The following MS4A18 variants were observed in gnomAD, a reference collection of about 807,000 sequenced individuals.
The protein encoded by MS4A18 is membrane spanning 4-domains A18.
A neutral mutation model predicts 13.1 loss-of-function variants in MS4A18; 27 were observed. The ratio of observed to expected loss-of-function variants is 2.06; its 90% CI spans 1.52 to 2.84. The LOEUF is 2.84. Among genes scored for constraint, MS4A18 ranks in the 30% most tolerant of loss-of-function variants. MS4A18 has a pLI of 0.00. For missense variants in MS4A18, 307 were observed against 196.4 expected (o/e 1.56, Z -3.37); for synonymous variants, 126 against 76.5 (o/e 1.65, Z -3.38).
chr11:60,728,659 GTCT>G (rs957606117), upstream of MS4A18, among the ~76,000 whole-genome samples: 1 of 151,572 alleles, frequency 6.6e-6, no homozygotes, highest in Non-Finnish European at 1.5e-5. Context: ...GTGTCTATGT[GTCT>G]TCTTTCTCCT....
chr11:60,744,190 C>A, exon 6 of MS4A18: 1 of 570,026 alleles, frequency 1.8e-6, no homozygotes, highest in South Asian at 2.3e-5. Context: ...TCTTTTTTTT[C>A]ATTCATAAAT....
At chr11:60,725,846 T>TTC (rs1565057682), upstream of MS4A18, among the ~76,000 whole-genome samples, 8 of 152,128 alleles carry the variant, frequency 5.3e-5, no homozygotes, top group African/African-American at 1.9e-4. Context: ...AATATATTGC[T>TTC]GGGGGAACTG....
At chr11:60,736,043 G>A (rs775641167) in intron 2 of MS4A18, among the ~76,000 whole-genome samples, 3 of 152,038 alleles carry the variant, frequency 2.0e-5, no homozygotes, top group African/African-American at 4.8e-5. Context: ...GTTTACAAAC[G>A]CATATACATG....
chr11:60,743,563 A>G (rs1288274682), intron 5 of MS4A18, 87 bp from the exon 7 acceptor site: 12 of 658,216 alleles, frequency 1.8e-5, no homozygotes, highest in Non-Finnish European at 3.0e-5. Context: ...ACCTAAGGGT[A>G]TGGAAACAGA....
At chr11:60,732,362 C>T (rs7117874) in intron 1 of MS4A18, among the ~76,000 whole-genome samples, 5,145 of 151,846 alleles carry the variant, frequency 0.034, 277 homozygotes, top group African/African-American at 0.12. Context: ...ACTGTGGGGA[C>T]GTCATAGAGG....
At chr11:60,737,822 C>A (rs1853362935) in intron 3 of MS4A18, among the ~76,000 whole-genome samples, 1 of 152,168 alleles carries the variant, frequency 6.6e-6, no homozygotes, top group Non-Finnish European at 1.5e-5. Context: ...GGGTGTCTAA[C>A]AGAGGGTTTC....
intron 1 of MS4A18, 114 bp downstream of exon 2, chr11:60,729,900 T>TGG: frequency 1.7e-6 from 1 of 605,930 alleles, no homozygotes; most frequent in African/African-American, 1.9e-5. Context: ...GGAGTGGGTG[T>TGG]GGGGGGCAGT....
chr11:60,729,928 A>T (rs1853229052), intron 1 of MS4A18, 142 bp downstream of exon 2: 1 of 598,692 alleles, frequency 1.7e-6, no homozygotes, highest in African/African-American at 1.9e-5. Context: ...GGCTGGACCC[A>T]GTACAATCAC....
intron 4 of MS4A18, 85 bp downstream of exon 5, chr11:60,739,082 C>T (rs974642086): frequency 1.2e-5 from 8 of 670,356 alleles, no homozygotes; most frequent in African/African-American, 5.3e-5. Flanking sequence ...AATGGAATTG[C>T]CCCAGAATTC....
chr11:60,736,449 T>C (rs1447086709), intron 2 of MS4A18, among the ~76,000 whole-genome samples: 1 of 152,040 alleles, frequency 6.6e-6, no homozygotes, highest in Admixed American at 6.6e-5. Context: ...CATGTTTCCA[T>C]CACCTGCTCA....
upstream of MS4A18, among the ~76,000 whole-genome samples, chr11:60,728,434 CTGTG>C (rs200157979): frequency 9.8e-3 from 1,453 of 147,960 alleles, 16 homozygotes; most frequent in East Asian, 0.054. Context: ...GTGTGTGTAT[CTGTG>C]TGTGTGTCTG....
At position 60,729,774 on chromosome 11, in the gene MS4A18, C is replaced by CAG. The variant is rs1349128656; in HGVS notation, c.461_462dup (p.Thr155GlufsTer3). 8.6e-6 allele frequency: 6 copies of CAG among 698,884 alleles called. No individual in the cohort carries two copies. Among genetic ancestry groups the CAG allele is most frequent in the Admixed American group, 6.0e-5 (3 of 49,834 alleles). 43.3% of individuals were successfully genotyped at this position (698,884 alleles called of 1,614,324 possible). ...CCAAGAAATTCATAAATGAGGAGGT[C>CAG]AGAACATTAGGGGTGAGTGTGATTT... On this transcript the variant is annotated frameshift_variant, in exon 1 of 6. Transcript: ENST00000529108. LOFTEE classifies it high-confidence loss of function.
At chr11:60,725,345 C>T (rs974576071), upstream of MS4A18, among the ~76,000 whole-genome samples, 10 of 152,224 alleles carry the variant, frequency 6.6e-5, no homozygotes, top group Admixed American at 6.5e-4. Context: ...AGGCGCCCGC[C>T]ACCACGCCCG....
At chr11:60,725,508 C>T (rs79895690), upstream of MS4A18, among the ~76,000 whole-genome samples, 486 of 152,140 alleles carry the variant, frequency 3.2e-3, 2 homozygotes, top group African/African-American at 0.011. Flanking sequence ...ATTTTCCTGA[C>T]GGGAGGTAGA....
intron 1 of MS4A18, among the ~76,000 whole-genome samples, chr11:60,731,019 G>A (rs1278865801): frequency 5.9e-5 from 9 of 152,058 alleles, no homozygotes; most frequent in East Asian, 1.9e-4. Flanking sequence ...GCGTGAACCC[G>A]GGAGGCAGAG....
At chr11:60,729,450 C>G (rs1406307775) in exon 1 of MS4A18, 3 of 702,724 alleles carry the variant, frequency 4.3e-6, no homozygotes, top group Non-Finnish European at 7.8e-6. Flanking sequence ...CTTACCCAAT[C>G]TCACCAAAAG....
At chr11:60,743,585 A>G in intron 5 of MS4A18, 65 bp from the exon 7 acceptor site, 3 of 665,834 alleles carry the variant, frequency 4.5e-6, no homozygotes, top group Non-Finnish European at 8.2e-6. Context: ...GGAAGAAAAA[A>G]ATTATGGCCA....
chr11:60,729,564 G>A (rs1411774694), exon 1 of MS4A18: 1 of 702,792 alleles, frequency 1.4e-6, no homozygotes, highest in Non-Finnish European at 2.6e-6. Context: ...ATCAGCGACA[G>A]TATCCAGTGG....
At chr11:60,733,855 C>T (rs1343015757) in intron 2 of MS4A18, among the ~76,000 whole-genome samples, 2 of 139,442 alleles carry the variant, frequency 1.4e-5, no homozygotes, top group African/African-American at 5.2e-5. Context: ...ATCTCCCATA[C>T]CCCCCACCCA....
Sources: gnomAD v4.1 joint callset for allele counts (sites outside exome capture counted in the v4.1 genomes callset) on GRCh38, gnomAD v4.1.1 for gene constraint, MANE v1.5 for transcripts, NCBI Gene and HGNC (gene_info 2026-07-23, HGNC 2026-07-21) for gene names.